Variants in DAB2IP observed in about 807,000 individuals in gnomAD.
DAB2IP encodes DAB2 interacting protein.
DAB2IP carries 28 observed loss-of-function variants against 107.2 expected under a neutral mutation model. The observed-to-expected ratio is 0.26, with a 90% CI of 0.19 to 0.36. The LOEUF (loss-of-function observed/expected upper bound fraction) is 0.36, where lower values mean the gene tolerates loss of function less well. Among genes scored for constraint, DAB2IP ranks in the 10% least tolerant of loss-of-function variants. The pLI, the probability that DAB2IP is intolerant of heterozygous loss-of-function variation, is 1.00. For missense variants in DAB2IP, 1,400 were observed against 1,644.7 expected, an observed-to-expected ratio of 0.85 and a Z score of 2.57; for synonymous variants, 755 against 706.4, an observed-to-expected ratio of 1.07 and a Z score of -1.09.
At position 121,634,645 on chromosome 9, in the gene DAB2IP, C is replaced by T. The variant is rs867673070; in HGVS notation, c.41-44033C>T. ...GCCAAAGAGGAAGTGGGGAGGCCCT[C>T]GTGGGAGTGTGGAAGAGGAGCACCT... On this transcript the variant is annotated intron_variant, in intron 1 of 16. Coordinates refer to the DAB2IP transcript ENST00000259371. This position sits in a 1 kb window ranked among gnomAD's most constrained non-coding sequence, Gnocchi z 4.7. Among the ~76,000 whole-genome samples, 5 of 152,264 alleles carry T rather than the reference C, an allele frequency of 3.3e-5. No homozygotes were observed. The highest frequency in any genetic ancestry group is 3.4e-3 in the Middle Eastern group (1 of 294).
intron 3 of DAB2IP, among the ~76,000 whole-genome samples, chr9:121,703,713 G>A (rs1055717081): frequency 2.0e-5 from 3 of 152,188 alleles, no homozygotes; most frequent in Admixed American, 2.0e-4. Flanking sequence ...AATAATGTGT[G>A]AAAGAGGTTA....
Position 121,651,810 on chromosome 9 carries a change from G to C in DAB2IP, c.35G>C (p.Gly12Ala). 6.8e-7 allele frequency: 1 copy of C among 1,463,030 alleles called. No individual in the cohort carries two copies. The highest frequency in any genetic ancestry group is 9.1e-7 in the Non-Finnish European group (1 of 1,104,892). 90.6% of individuals were successfully genotyped at this position (1,463,030 alleles called of 1,614,324 possible). A position where few individuals can be genotyped will look rare whatever the true frequency, so the allele number is the denominator to read the frequency against. ...GGCGGCAGCGCCAGGAAGAGCACCG[G>C]GAGGTCCTCCTACTACTACCGGCTG... Residue 12 changes from glycine to alanine, a missense_variant, in exon 1 of 16, where the codon GGG becomes GCG. Physicochemically the swap from Gly to Ala is moderately conservative, Grantham distance 60. Coordinates refer to ENST00000408936, the Ensembl canonical transcript of DAB2IP. This position sits in a 1 kb window ranked among gnomAD's most constrained non-coding sequence, Gnocchi z 5.1.
At chr9:121,641,949 C>T (rs1429564471) in intron 1 of DAB2IP, among the ~76,000 whole-genome samples, 5 of 64,058 alleles carry the variant, frequency 7.8e-5, no homozygotes, top group South Asian at 4.5e-4. Flanking sequence ...CTCTTTCTTT[C>T]CTTTCTTTCT....
At chr9:121,677,499 G>A (rs28446508) in intron 1 of DAB2IP, among the ~76,000 whole-genome samples, 6 of 152,176 alleles carry the variant, frequency 3.9e-5, no homozygotes, top group Admixed American at 1.3e-4. Flanking sequence ...CAGCCTGAGC[G>A]AAAGAGTGAG....
intron 1 of DAB2IP, among the ~76,000 whole-genome samples, chr9:121,673,619 G>T (rs1453103614): frequency 6.6e-6 from 1 of 152,174 alleles, no homozygotes; most frequent in Non-Finnish European, 1.5e-5. Context: ...TAGGAAAAAA[G>T]TGTCTAAGAA....
chr9:121,647,870 T>C (rs1213138873), upstream of DAB2IP, among the ~76,000 whole-genome samples: 1 of 149,828 alleles, frequency 6.7e-6, no homozygotes, highest in Non-Finnish European at 1.5e-5. Flanking sequence ...ATACGTATTA[T>C]ATATATATAC....
At chr9:121,748,443 C>G (rs926788824) in intron 3 of DAB2IP, among the ~76,000 whole-genome samples, 4 of 152,322 alleles carry the variant, frequency 2.6e-5, no homozygotes, top group African/African-American at 4.8e-5. Context: ...CCAAGCCACT[C>G]CCTGTCTCTA....
chr9:121,707,504 C>T (rs867971904), intron 3 of DAB2IP, among the ~76,000 whole-genome samples: 6 of 152,318 alleles, frequency 3.9e-5, no homozygotes, highest in Admixed American at 6.5e-5. Context: ...CCCAGTTAAC[C>T]ATCACCTCCT....
chr9:121,772,547 G>T lies in DAB2IP; in HGVS notation c.2079-60G>T, dbSNP rs949874154. 22 of 1,552,910 alleles carry T rather than the reference G, an allele frequency of 1.4e-5. No individual in the cohort carries two copies. In the Admixed American group the frequency reaches 3.9e-4, roughly 27 times the overall value. On this transcript the variant is annotated intron_variant, in intron 11 of 15. Coordinates refer to ENST00000408936, the Ensembl canonical transcript of DAB2IP. This position sits in a 1 kb window ranked among gnomAD's most constrained non-coding sequence, Gnocchi z 4.7. ...GGTGCTGTCGGTTTGGACCCGCCTT[G>T]GCTGCACTCACAGTTCTTCTTTTCC...
At chr9:121,715,439 G>A (rs1297259516) in intron 3 of DAB2IP, among the ~76,000 whole-genome samples, 4 of 150,074 alleles carry the variant, frequency 2.7e-5, no homozygotes, top group South Asian at 2.1e-4. Context: ...TGCAAGCTCC[G>A]CCTCCCAGGT....
chr9:121,651,935 C>G lies in DAB2IP; in HGVS notation c.124+36C>G. 7.8e-7 allele frequency: 1 copy of G among 1,288,230 alleles called. No individual in the cohort carries two copies. The highest frequency in any genetic ancestry group is 9.9e-7 in the Non-Finnish European group (1 of 1,011,882). 79.8% of individuals were successfully genotyped at this position (1,288,230 alleles called of 1,614,324 possible). A position where few individuals can be genotyped will look rare whatever the true frequency, so the allele number is the denominator to read the frequency against. On this transcript the variant is annotated intron_variant, in intron 1 of 15. Transcript: ENST00000408936. The surrounding 1 kb of genome is among the most constrained non-coding windows in gnomAD (Gnocchi z 5.1). ...CCCCGACCCCTGACCCCTAGACCCT[C>G]CTAAGGCCACTAAGCCACCTGATGC...
chr9:121,765,369 G>GC (rs1834207141), intron 8 of DAB2IP, among the ~76,000 whole-genome samples: 1 of 152,240 alleles, frequency 6.6e-6, no homozygotes, highest in Admixed American at 6.5e-5. Context: ...CCAGTTCTGT[G>GC]CCAGGCACTG....
intron 1 of DAB2IP, among the ~76,000 whole-genome samples, chr9:121,628,854 C>T (rs577346634): frequency 5.5e-4 from 83 of 152,274 alleles, no homozygotes; most frequent in African/African-American, 1.9e-3. Flanking sequence ...ACCAGCTGTG[C>T]CAGTCACTTA....
At chr9:121,628,157 C>G (rs1448205145) in intron 1 of DAB2IP, among the ~76,000 whole-genome samples, 1 of 152,220 alleles carries the variant, frequency 6.6e-6, no homozygotes, top group Admixed American at 6.5e-5. Flanking sequence ...TTCTCAAGCT[C>G]CATGTGGGTG....
intron 1 of DAB2IP, among the ~76,000 whole-genome samples, chr9:121,636,117 A>T (rs1832078964): frequency 6.6e-6 from 1 of 152,048 alleles, no homozygotes; most frequent in Non-Finnish European, 1.5e-5. Flanking sequence ...CATGTTGCCC[A>T]GGCTGGTTTC....
intron 3 of DAB2IP, among the ~76,000 whole-genome samples, chr9:121,733,376 G>C (rs546682822): frequency 1.9e-4 from 29 of 152,366 alleles, no homozygotes; most frequent in South Asian, 1.9e-3. Flanking sequence ...GACAGTCGTG[G>C]CCCAGACTCT....
rs1010382257 is a variant in DAB2IP at position 121,602,736 on chromosome 9, C to T, written c.40+35508C>T. Reference sequence around the variant, plus strand: ...GACTACAGGCGCCCGCCACCACGCCCGGCTAATTTTTTGTATTTTTAGTGG... The same window carrying T: ...GACTACAGGCGCCCGCCACCACGCCTGGCTAATTTTTTGTATTTTTAGTGG... On this transcript the variant is annotated intron_variant, in intron 1 of 16. Coordinates refer to the DAB2IP transcript ENST00000259371. Among the ~76,000 whole-genome samples the T allele has an allele frequency of 2.1e-4, 32 of 152,106 alleles. 1 individual carries two copies. The South Asian group carries it at 5.4e-3, about 26-fold the overall frequency.
intron 8 of DAB2IP, among the ~76,000 whole-genome samples, chr9:121,765,654 G>A (rs1431583712): frequency 6.6e-6 from 1 of 152,222 alleles, no homozygotes; most frequent in African/African-American, 2.4e-5. Context: ...CTGAGCTCAT[G>A]GCAGAGCCAA....
At chr9:121,630,526 T>TAA (rs111323086) in intron 1 of DAB2IP, among the ~76,000 whole-genome samples, 18 of 103,494 alleles carry the variant, frequency 1.7e-4, no homozygotes, top group East Asian at 1.5e-3. Context: ...CTCCATCTCA[T>TAA]AAAAAAATTT....
Sources: gnomAD v4.1 joint callset for allele counts (sites outside exome capture counted in the v4.1 genomes callset) on GRCh38, gnomAD v4.1.1 for gene constraint, Gnocchi (gnomAD v3.1) non-coding constraint, MANE v1.5 for transcripts, NCBI Gene and HGNC (gene_info 2026-07-23, HGNC 2026-07-21) for gene names.